The following MCOLN2 variants were observed in gnomAD, a reference collection of about 807,000 sequenced individuals.
MCOLN2 encodes the protein mucolipin TRP cation channel 2, also known as mucolipin-2.
MCOLN2 carries 57 observed loss-of-function variants against 67.5 expected under a neutral mutation model. The observed-to-expected ratio is 0.84, with a 90% CI of 0.68 to 1.05. The LOEUF is 1.05. MCOLN2 is among the 50% of genes least tolerant of loss of function. MCOLN2 has a pLI of 0.00. For missense variants in MCOLN2, 620 were observed against 678.8 expected (o/e 0.91, Z 0.96); for synonymous variants, 246 against 233.3 (o/e 1.05, Z -0.50).
chr1:84,988,472 T>A (rs555296339), intron 1 of MCOLN2, among the ~76,000 whole-genome samples: 30 of 152,192 alleles, frequency 2.0e-4, no homozygotes, highest in Admixed American at 5.2e-4. Flanking sequence ...GTGATTCTAA[T>A]GTGTAGCAAA....
At chr1:84,993,619 C>CTTT (rs869075778) in intron 1 of MCOLN2, among the ~76,000 whole-genome samples, 51 of 118,518 alleles carry the variant, frequency 4.3e-4, no homozygotes, top group South Asian at 7.9e-4. Context: ...TAAATAATGT[C>CTTT]TTTTTTTTTT....
chr1:84,984,194 A>G (rs1482983659), intron 1 of MCOLN2, among the ~76,000 whole-genome samples: 1 of 152,208 alleles, frequency 6.6e-6, no homozygotes, highest in Non-Finnish European at 1.5e-5. Flanking sequence ...TTCAGAGTTG[A>G]GCTATTAACA....
intron 2 of MCOLN2, among the ~76,000 whole-genome samples, chr1:84,964,946 G>A (rs1649296497): frequency 6.6e-6 from 1 of 152,180 alleles, no homozygotes; most frequent in Non-Finnish European, 1.5e-5. Context: ...TTCCTAACAG[G>A]TCCGTGGCCC....
chr1:84,972,849 T>C (rs1649764534), intron 1 of MCOLN2, among the ~76,000 whole-genome samples: 1 of 152,174 alleles, frequency 6.6e-6, no homozygotes, highest in Non-Finnish European at 1.5e-5. Context: ...AGAAAAAGGC[T>C]CTTGACCTTT....
At chr1:84,991,158 A>G (rs1650871932) in intron 1 of MCOLN2, among the ~76,000 whole-genome samples, 1 of 152,118 alleles carries the variant, frequency 6.6e-6, no homozygotes, top group Non-Finnish European at 1.5e-5. Flanking sequence ...TTCAAAAAGA[A>G]AGAGTCTGGT....
chr1:84,960,919 A>G (rs1188364554), intron 2 of MCOLN2, among the ~76,000 whole-genome samples: 1 of 152,200 alleles, frequency 6.6e-6, no homozygotes, highest in Non-Finnish European at 1.5e-5. Flanking sequence ...AACAACTCTT[A>G]TCTGTTGAGA....
rs182063620 is a variant in MCOLN2, at chr1:84,961,067, C to T, written c.238-2365G>A. 2.6e-5 allele frequency among the ~76,000 whole-genome samples: 4 copies of T among 152,234 alleles called. No individual in the cohort carries two copies. In the East Asian group the frequency reaches 7.7e-4, roughly 29 times the overall value. ...ATATACTCAGGAAATGAAATAATGC[C>T]CATCACAATGTCAAACACTGAATCA... On this transcript the variant is annotated intron_variant, in intron 2 of 13. Coordinates refer to ENST00000370608, the MANE Select transcript of MCOLN2 (RefSeq NM_153259.4).
At chr1:84,982,093 A>G (rs936053171) in intron 1 of MCOLN2, among the ~76,000 whole-genome samples, 2 of 151,506 alleles carry the variant, frequency 1.3e-5, no homozygotes, top group African/African-American at 4.9e-5. Context: ...TTTTTAAAAA[A>G]AAGATGAAAA....
At chr1:84,971,238 A>T (rs997955052) in intron 1 of MCOLN2, among the ~76,000 whole-genome samples, 9 of 152,140 alleles carry the variant, frequency 5.9e-5, no homozygotes, top group African/African-American at 2.2e-4. Context: ...ATAGACATGT[A>T]GGGGGAAAGA....
intron 1 of MCOLN2, among the ~76,000 whole-genome samples, chr1:84,990,828 G>A (rs968958377): frequency 8.5e-6 from 1 of 117,350 alleles, no homozygotes; most frequent in Non-Finnish European, 2.0e-5. Flanking sequence ...CAATTACTTG[G>A]GGGGGCTGAG....
chr1:84,929,986 G>C (rs915217418), intron 12 of MCOLN2: 1 of 203,768 alleles, frequency 4.9e-6, no homozygotes, highest in African/African-American at 2.4e-5. Flanking sequence ...GTCTAGTCTG[G>C]GTATGATGGC....
At chr1:84,926,771 A>G (rs1661180701) in intron 13 of MCOLN2, 50 bp from the exon 14 acceptor site, 2 of 1,412,652 alleles carry the variant, frequency 1.4e-6, no homozygotes, top group South Asian at 1.3e-5. Context: ...ATACTTTAAC[A>G]TCTTTGAGGA....
In MCOLN2 at chr1:84,994,949, A is replaced by G. The variant is rs549771247; in HGVS notation, c.77+1847T>C. ...GATTGTCCCTTGCACTCAAACACTT[A>G]GAGACCACTGTAGGGTTATTAGTTG... On this transcript the variant is annotated intron_variant, in intron 1 of 13. Transcript: ENST00000370608. Among the ~76,000 whole-genome samples the G allele has an allele frequency of 9.8e-4, 149 of 152,268 alleles. 1 individual carries two copies. The highest frequency in any genetic ancestry group is 1.8e-3 in the Non-Finnish European group (123 of 68,018).
At chr1:84,968,651 A>G (rs1250078573) in intron 1 of MCOLN2, among the ~76,000 whole-genome samples, 1 of 152,152 alleles carries the variant, frequency 6.6e-6, no homozygotes, top group Non-Finnish European at 1.5e-5. Context: ...TATACTGTTG[A>G]GGCGCCTTAA....
At position 84,970,985 on chromosome 1, in the gene MCOLN2, C is replaced by A. The variant is rs2102866518; in HGVS notation, c.78-5277G>T. ...AGAAACTTTATTAAGAAGTCTCAGGCAAAAAGAAAAGAAAAAGGTCAAAGT... is the reference window on the plus strand; with the variant it reads ...AGAAACTTTATTAAGAAGTCTCAGGAAAAAAGAAAAGAAAAAGGTCAAAGT... On this transcript the variant is annotated intron_variant, in intron 1 of 13. Coordinates refer to ENST00000370608, the MANE Select transcript of MCOLN2 (RefSeq NM_153259.4). 3.9e-5 allele frequency among the ~76,000 whole-genome samples: 6 copies of A among 151,974 alleles called. 1 individual carries two copies. In the Middle Eastern group the frequency reaches 0.02, roughly 517 times the overall value.
intron 13 of MCOLN2, among the ~76,000 whole-genome samples, chr1:84,929,244 A>T (rs1661290893): frequency 6.6e-6 from 1 of 152,206 alleles, no homozygotes; most frequent in Admixed American, 6.5e-5. Flanking sequence ...TCTAAAAATA[A>T]GAGCTTTGAC....
chr1:84,959,557 T>C (rs555244098), intron 2 of MCOLN2, among the ~76,000 whole-genome samples: 55 of 152,126 alleles, frequency 3.6e-4, no homozygotes, highest in Non-Finnish European at 3.8e-4. Flanking sequence ...ACACACGCAC[T>C]CTCACACGCA....
At chr1:84,986,497 A>G (rs572227699) in intron 1 of MCOLN2, among the ~76,000 whole-genome samples, 1 of 145,976 alleles carries the variant, frequency 6.9e-6, no homozygotes, top group African/African-American at 2.5e-5. Flanking sequence ...GAGCCAAGAT[A>G]GTGCCATTGC....
chr1:84,957,593 A>C (rs1323579670), intron 3 of MCOLN2, among the ~76,000 whole-genome samples: 2 of 152,086 alleles, frequency 1.3e-5, no homozygotes, highest in Non-Finnish European at 2.9e-5. Flanking sequence ...CATCATCCTT[A>C]CCTAATTCTA....
Sources: allele counts gnomAD v4.1 joint callset (sites outside exome capture counted in the v4.1 genomes callset), GRCh38; gene constraint gnomAD v4.1.1; transcripts MANE v1.5; gene names NCBI Gene and HGNC (gene_info 2026-07-23, HGNC 2026-07-21).